The following ZFAT variants were observed in gnomAD, a reference collection of about 807,000 sequenced individuals.
The protein encoded by ZFAT is zinc finger and AT-hook domain containing.
A neutral mutation model predicts 117.7 loss-of-function variants in ZFAT; 64 were observed. That is an observed-to-expected ratio of 0.54 (90% confidence interval 0.44 to 0.67). The LOEUF (loss-of-function observed/expected upper bound fraction) is 0.67. Among genes scored for constraint, ZFAT ranks in the 30% least tolerant of loss-of-function variants. The probability of loss-of-function intolerance (pLI) is 0.00; values close to 1 mark genes in which losing one functional copy is unlikely to be tolerated. For synonymous variants in ZFAT, 679 were observed against 615.0 expected, an observed-to-expected ratio of 1.10 and a Z score of -1.54; for missense variants, 1,433 against 1,584.5, an observed-to-expected ratio of 0.90 and a Z score of 1.62.
the ZFAT span, chr8:134,723,952 G>A: frequency 3.3e-5 from 5 of 152,244 alleles, no homozygotes; most frequent in Non-Finnish European, 5.9e-5. Flanking sequence ...ACATAAAAGA[G>A]GTGATGGATT....
chr8:134,598,613 A>G (rs1273076503), intron 7 of ZFAT: 6 of 152,266 alleles, frequency 3.9e-5, no homozygotes, highest in Non-Finnish European at 7.3e-5. Context: ...GGTCCCTCAC[A>G]ACAGGCAGGC....
intron 15 of ZFAT, among the ~76,000 whole-genome samples, chr8:134,486,940 G>C (rs576060718): frequency 6.6e-6 from 1 of 152,292 alleles, no homozygotes; most frequent in South Asian, 2.1e-4. Context: ...GTGTGTATAT[G>C]TGTGTTCATG....
At chr8:134,520,834 C>T (rs1339856864) in intron 13 of ZFAT, 49 bp downstream of exon 13, 1 of 1,479,726 alleles carries the variant, frequency 6.8e-7, no homozygotes. Context: ...CCTGGTTTGT[C>T]ATCTGTGTTT....
At chr8:134,592,936 T>G (rs926123521) in intron 7 of ZFAT, among the ~76,000 whole-genome samples, 1 of 152,220 alleles carries the variant, frequency 6.6e-6, no homozygotes, top group African/African-American at 2.4e-5. Flanking sequence ...CAACCACACA[T>G]GTCCAAGGGA....
chr8:134,823,567 C>A, the ZFAT span, among the ~76,000 whole-genome samples: 2 of 152,228 alleles, frequency 1.3e-5, no homozygotes, highest in African/African-American at 4.8e-5. Context: ...TAAGACAACA[C>A]AGCTACTGAG....
Position 134,532,119 on chromosome 8 carries a change from G to C in ZFAT, c.3115+715C>G, listed in dbSNP as rs199709645. 2.0e-5 allele frequency among the ~76,000 whole-genome samples: 3 copies of C among 152,222 alleles called. No homozygotes were observed. In the East Asian group the frequency reaches 5.8e-4, roughly 29 times the overall value. On this transcript the variant is annotated intron_variant, in intron 12 of 15. Coordinates refer to ENST00000377838, the MANE Select transcript of ZFAT (RefSeq NM_020863.4). ...AAGCTAAGCCCTCTCCAGTGGGAAT[G>C]TGATTATTTATTGAAATAAAACAAC...
Position 134,478,850 on chromosome 8 carries a change from C to T in ZFAT, c.3493-129G>A. 7.4e-7 allele frequency: 1 copy of T among 1,358,414 alleles called. No individual in the cohort carries two copies. Among genetic ancestry groups the T allele is most frequent in the Non-Finnish European group, 9.9e-7 (1 of 1,011,316 alleles). 84.1% of individuals were successfully genotyped at this position (1,358,414 alleles called of 1,614,324 possible). On this transcript the variant is annotated intron_variant, in intron 15 of 15. Coordinates refer to ENST00000377838, the MANE Select transcript of ZFAT (RefSeq NM_020863.4). This position sits in a 1 kb window ranked among gnomAD's most constrained non-coding sequence, Gnocchi z 5.2. Reference sequence around the variant, plus strand: ...AGCACGTCCATTCTCCACGGATCCTCTCTACCAGGCTGTGCTTGCTCTCAT... The same window carrying T: ...AGCACGTCCATTCTCCACGGATCCTTTCTACCAGGCTGTGCTTGCTCTCAT...
In ZFAT at chr8:134,532,867, C is replaced by T. The variant is rs770369981; in HGVS notation, c.3082G>A (p.Gly1028Arg). The change falls in exon 12 of 16, where the codon GGG (glycine) becomes AGG (arginine). Residue 1028 changes from glycine to arginine, a missense_variant. Around this residue, in one of 5 missense-constraint regions of ZFAT, gnomAD observed 503 missense variants for 543.4 expected, o/e 0.93. Coordinates refer to ENST00000377838, the MANE Select transcript of ZFAT (RefSeq NM_020863.4). ...ATGAGCACCTCCGCTGCCAGCTCCC[C>T]GGTGCCCACGTTGGCATACTCCTCA... Reference protein sequence around the residue: ...PNEEYANVGTGELAAEVLIQQ... With the variant: ...PNEEYANVGTRELAAEVLIQQ... 2.2e-5 allele frequency: 35 copies of T among 1,609,330 alleles called. No individual in the cohort carries two copies. Among genetic ancestry groups the T allele is most frequent in the East Asian group, 1.1e-4 (5 of 44,764 alleles).
the ZFAT span, among the ~76,000 whole-genome samples, chr8:134,820,696 G>T: frequency 6.6e-6 from 1 of 152,328 alleles, no homozygotes; most frequent in South Asian, 2.1e-4. Flanking sequence ...CATTTTATTG[G>T]TCAAGGAAAG....
intron 1 of ZFAT, among the ~76,000 whole-genome samples, chr8:134,697,167 T>G (rs1374599571): frequency 6.6e-6 from 1 of 152,070 alleles, no homozygotes; most frequent in Admixed American, 6.5e-5. Flanking sequence ...CAGGCTGGAG[T>G]GCAGTGGCAC....
chr8:134,522,448 G>C (rs903002792), intron 12 of ZFAT, among the ~76,000 whole-genome samples: 2 of 152,166 alleles, frequency 1.3e-5, no homozygotes, highest in Non-Finnish European at 2.9e-5. Flanking sequence ...ACGACTATCG[G>C]CCCTCGGGCC....
intron 15 of ZFAT, among the ~76,000 whole-genome samples, chr8:134,480,134 G>C (rs1361983815): frequency 6.6e-6 from 1 of 151,926 alleles, no homozygotes; most frequent in Admixed American, 6.6e-5. Flanking sequence ...ATGAATTTTT[G>C]TATTTTTGGT....
intron 3 of ZFAT, among the ~76,000 whole-genome samples, chr8:134,630,937 G>C (rs184586622): frequency 3.3e-5 from 5 of 152,136 alleles, no homozygotes; most frequent in Non-Finnish European, 7.3e-5. Context: ...ACAATTACTC[G>C]AGAATTTTCC....
rs184086384 is a variant in ZFAT, at chr8:134,484,160, G to A, written c.3493-5439C>T. ...TCCCACAGGGCTCCAAGGGTGCCCC[G>A]AGGAGCCAGTGCACAAAGGCTATTA... On this transcript the variant is annotated intron_variant, in intron 15 of 15. Transcript: ENST00000377838. 2.8e-4 allele frequency among the ~76,000 whole-genome samples: 42 copies of A among 152,264 alleles called. No individual in the cohort carries two copies. The East Asian group carries it at 7.1e-3, about 26-fold the overall frequency.
chr8:134,631,133 C>A (rs1829863694), intron 3 of ZFAT, among the ~76,000 whole-genome samples: 1 of 152,186 alleles, frequency 6.6e-6, no homozygotes, highest in African/African-American at 2.4e-5. Context: ...CAATTTAGGT[C>A]ATTCAAATCA....
At chr8:134,551,291 C>T (rs907536083) in intron 11 of ZFAT, among the ~76,000 whole-genome samples, 1 of 152,178 alleles carries the variant, frequency 6.6e-6, no homozygotes, top group Non-Finnish European at 1.5e-5. Context: ...AGACTGTGGG[C>T]CTCAGTGTCC....
At chr8:134,644,664 A>AC (rs1179216051) in intron 2 of ZFAT, among the ~76,000 whole-genome samples, 5 of 151,936 alleles carry the variant, frequency 3.3e-5, no homozygotes, top group African/African-American at 1.2e-4. Flanking sequence ...GTGCACTTAC[A>AC]CATGTGCCCA....
chr8:134,776,968 T>C, the ZFAT span, among the ~76,000 whole-genome samples: 2 of 152,196 alleles, frequency 1.3e-5, no homozygotes, highest in Non-Finnish European at 2.9e-5. Context: ...GAGAGTGAAA[T>C]TCTCTTCCAT....
intron 3 of ZFAT, among the ~76,000 whole-genome samples, chr8:134,621,289 C>T (rs1048742981): frequency 6.6e-6 from 1 of 151,754 alleles, no homozygotes; most frequent in African/African-American, 2.4e-5. Flanking sequence ...GTAGTCTATG[C>T]CTGTCTAGTA....
Sources: gnomAD v4.1 joint callset for allele counts (sites outside exome capture counted in the v4.1 genomes callset) on GRCh38, gnomAD v4.1.1 for gene constraint, gnomAD v4.1.1 regional missense constraint, Gnocchi (gnomAD v3.1) non-coding constraint, MANE v1.5 for transcripts, NCBI Gene and HGNC (gene_info 2026-07-23, HGNC 2026-07-21) for gene names.